Variants in DNAJB12 observed in about 807,000 individuals in gnomAD.
DNAJB12 encodes the protein DnaJ heat shock protein family (Hsp40) member B12.
DNAJB12 carries 14 observed loss-of-function variants against 40.6 expected under a neutral mutation model. That is an observed-to-expected ratio of 0.34 (90% CI 0.23 to 0.54). The LOEUF (loss-of-function observed/expected upper bound fraction) is 0.54, where lower values mean the gene tolerates loss of function less well. Among genes scored for constraint, DNAJB12 ranks in the 20% least tolerant of loss-of-function variants. The pLI, the probability that DNAJB12 is intolerant of heterozygous loss-of-function variation, is 0.92. For missense variants in DNAJB12, 444 were observed against 501.7 expected (o/e 0.89, Z 1.10); for synonymous variants, 181 against 199.5 (o/e 0.91, Z 0.78).
chr10:72,352,405 C>T (rs1712533372), intron 1 of DNAJB12, among the ~76,000 whole-genome samples: 1 of 152,310 alleles, frequency 6.6e-6, no homozygotes, highest in Non-Finnish European at 1.5e-5. Context: ...TTCCTCAAGT[C>T]TCACACCGTC....
rs768932947 is a variant in DNAJB12 at position 72,336,511 on chromosome 10, C to T, written c.1006+13G>A. The T allele has an allele frequency of 1.2e-5, 20 of 1,612,058 alleles. No homozygotes were observed. The highest frequency in any genetic ancestry group is 1.5e-5 in the Non-Finnish European group (18 of 1,179,096). The stretch of plus-strand genomic sequence containing the variant: ...CCTCCCAAATACAGCCCCCGCCTTC[C>T]CCCCACACTCACTCTGCTGCTTCTC... On this transcript the variant is annotated intron_variant, in intron 7 of 8. Coordinates refer to ENST00000444643, the MANE Select transcript of DNAJB12 (RefSeq NM_017626.7).
intron 1 of DNAJB12, among the ~76,000 whole-genome samples, chr10:72,347,951 T>C (rs1466331607): frequency 2.0e-5 from 3 of 148,482 alleles, no homozygotes; most frequent in East Asian, 4.1e-4. Flanking sequence ...CCACCAGGCA[T>C]GGTGGCTCAC....
At position 72,345,068 on chromosome 10, in the gene DNAJB12, C is replaced by A; in HGVS notation, c.193G>T (p.Asp65Tyr). 1 of 1,614,146 alleles carries A rather than the reference C, an allele frequency of 6.2e-7. No homozygotes were observed. The highest frequency in any genetic ancestry group is 8.5e-7 in the Non-Finnish European group (1 of 1,180,000). ...TTCCTGTGGGTGGCATGGGTTGTGT[C>A]TGTGGGTGGGGGTTGGTCACCGGCA... ...QTAGDQPPPT[D>Y]TTHATHRKAG... The change falls in exon 2 of 9, where the codon GAC becomes TAC. Residue 65 changes from aspartate (D) to tyrosine (Y), a missense_variant. Asp to Tyr is a radical substitution (Grantham distance 160). Transcript: ENST00000444643.
intron 1 of DNAJB12, among the ~76,000 whole-genome samples, chr10:72,350,571 C>A (rs1861911329): frequency 6.6e-6 from 1 of 152,110 alleles, no homozygotes; most frequent in Non-Finnish European, 1.5e-5. Flanking sequence ...AAAAACTCAG[C>A]CCAATGCCCA....
rs577631071 is a variant in DNAJB12, at chr10:72,341,432, C to G, written c.458-262G>C. On this transcript the variant is annotated intron_variant, in intron 3 of 8. Coordinates refer to ENST00000444643, the MANE Select transcript of DNAJB12 (RefSeq NM_017626.7). ...CAATGGTCAAGCTTTGTCAATGTGC[C>G]AGGCCTCCTAGGAGTGTGGCCTCAT... 1.4e-4 allele frequency among the ~76,000 whole-genome samples: 21 copies of G among 152,280 alleles called. No homozygotes were observed. The South Asian group carries it at 1.9e-3, about 14-fold the overall frequency.
chr10:72,344,268 T>A (rs114255468), intron 2 of DNAJB12, among the ~76,000 whole-genome samples: 1 of 152,352 alleles, frequency 6.6e-6, no homozygotes, highest in African/African-American at 2.4e-5. Flanking sequence ...CTCAGTGAAG[T>A]ACAGATCTCG....
chr10:72,344,975 C>T lies in DNAJB12; in HGVS notation c.286G>A (p.Ala96Thr), dbSNP rs1417074980. ...AGGESTKGYTAEQVAAVKRVK... is the reference protein window; with the variant it reads ...AGGESTKGYTTEQVAAVKRVK... ...CTTTTCACAGCTGCAACCTGTTCTGCAGTGTAGCCTTTGGTGCTCTCTCCT... is the reference window on the plus strand; with the variant it reads ...CTTTTCACAGCTGCAACCTGTTCTGTAGTGTAGCCTTTGGTGCTCTCTCCT... Residue 96 changes from alanine (A) to threonine (T), a missense_variant, in exon 2 of 9, where the codon GCA (alanine) becomes ACA (threonine). Ala to Thr is a moderately conservative substitution (Grantham distance 58, BLOSUM62 0). Coordinates refer to ENST00000444643, the MANE Select transcript of DNAJB12 (RefSeq NM_017626.7). 5.0e-6 allele frequency: 8 copies of T among 1,614,240 alleles called. No homozygotes were observed. The highest frequency in any genetic ancestry group is 3.3e-4 in the Middle Eastern group (2 of 6,062).
At position 72,341,151 on chromosome 10, in the gene DNAJB12, C is replaced by T. The variant is rs561511838; in HGVS notation, c.477G>A (p.Ala159=). Residue 159 remains alanine, a synonymous_variant, in exon 4 of 9, where the codon GCG becomes GCA. Coordinates refer to ENST00000444643, the MANE Select transcript of DNAJB12 (RefSeq NM_017626.7). ...TCCTCTTCTCCGGGTTGCTGAGTAC[C>T]GCATATGCTGTGCCAATGGCTGGAG... is the stretch of plus-strand genomic sequence containing the variant. ...EAFKAIGTAY[A]VLSNPEKRKQ... 6.1e-5 allele frequency: 99 copies of T among 1,610,356 alleles called. No individual in the cohort carries two copies. Among genetic ancestry groups the T allele is most frequent in the Admixed American group, 5.3e-4 (32 of 59,944 alleles).
At chr10:72,336,736 CA>C in intron 6 of DNAJB12, 40 bp from the exon 7 acceptor site, 1 of 1,593,082 alleles carries the variant, frequency 6.3e-7, no homozygotes, top group Non-Finnish European at 8.6e-7. Flanking sequence ...TGCGGGTCCC[CA>C]TGCCCAGGGC....
Position 72,336,075 on chromosome 10 carries a change from G to A in DNAJB12, c.1007-144C>T, listed in dbSNP as rs1305949196. 7 of 1,020,782 alleles carry A rather than the reference G, an allele frequency of 6.9e-6. No homozygotes were observed. The East Asian group carries it at 7.3e-5, about 11-fold the overall frequency. The allele number at this position is 1,020,782 out of a possible 1,614,324, so 63.2% of individuals were successfully genotyped here. On this transcript the variant is annotated intron_variant, in intron 7 of 8. Transcript: ENST00000444643. ...CTGGCCTCCCATTAGGAAGACCATG[G>A]AGGAGCAGAGACTACAGTCCTTATG...
At position 72,333,496 on chromosome 10, in the gene DNAJB12, T is replaced by C. The variant is rs1230132355; in HGVS notation, c.*1152A>G. 6.6e-6 allele frequency: 1 copy of C among 152,654 alleles called. No homozygotes were observed. The highest frequency in any genetic ancestry group is 2.4e-5 in the African/African-American group (1 of 41,444). The allele number at this position is 152,654 out of a possible 1,614,324, so 9.5% of individuals were successfully genotyped here. On this transcript the variant is annotated 3_prime_UTR_variant, in exon 9 of 9. Transcript: ENST00000444643. Reference sequence around the variant, plus strand: ...CAGAGGCAGCCACGGGCACTGCCTTTTCTTCAGGAGTCGAGGAGGCTGCCC... The same window carrying C: ...CAGAGGCAGCCACGGGCACTGCCTTCTCTTCAGGAGTCGAGGAGGCTGCCC...
intron 1 of DNAJB12, chr10:72,353,434 T>G (rs980642799): frequency 6.6e-6 from 1 of 152,290 alleles, no homozygotes; most frequent in Non-Finnish European, 1.5e-5. Flanking sequence ...GGGAGGAAAG[T>G]TCAGCAGTCC....
intron 1 of DNAJB12, among the ~76,000 whole-genome samples, chr10:72,348,858 T>C (rs1477790508): frequency 1.3e-5 from 2 of 152,192 alleles, no homozygotes; most frequent in Non-Finnish European, 2.9e-5. Context: ...CATTTAATTG[T>C]CACAGCAGCC....
chr10:72,335,226 G>A lies in DNAJB12; in HGVS notation c.*30+554C>T. ...GCCCCTGCCGCCACCAAGACTGCCAGCTCCCACCCACCTCGTGGCTGCCTG... is the reference window on the plus strand; with the variant it reads ...GCCCCTGCCGCCACCAAGACTGCCAACTCCCACCCACCTCGTGGCTGCCTG... On this transcript the variant is annotated intron_variant, in intron 8 of 8. Transcript: ENST00000444643. The surrounding 1 kb of genome is among the most constrained non-coding windows in gnomAD (Gnocchi z 4.4). 4 of 986,774 alleles carry A rather than the reference G, an allele frequency of 4.1e-6. No individual in the cohort carries two copies. The highest frequency in any genetic ancestry group is 4.8e-6 in the Non-Finnish European group (4 of 830,500). The allele number at this position is 986,774 out of a possible 1,614,324, so 61.1% of individuals were successfully genotyped here.
At chr10:72,334,704 A>ACTGCACCG (rs1398350324) in intron 8 of DNAJB12, 87 bp from the exon 9 acceptor site, 1 of 1,471,664 alleles carries the variant, frequency 6.8e-7, no homozygotes, top group Non-Finnish European at 8.9e-7. Flanking sequence ...CCCCCTTGCC[A>ACTGCACCG]CTGCACCGCT....
rs2131973419 is a variant in DNAJB12 at position 72,334,036 on chromosome 10, A to G, written c.*612T>C. ...AAACATCACCAGGGTACCTTCCCCA[A>G]ACAGGCCTCATTTTCTAAAACATGG... On this transcript the variant is annotated 3_prime_UTR_variant, in exon 9 of 9. Coordinates refer to ENST00000444643, the MANE Select transcript of DNAJB12 (RefSeq NM_017626.7). 6.5e-6 allele frequency: 1 copy of G among 154,166 alleles called. No individual in the cohort carries two copies. The highest frequency in any genetic ancestry group is 2.4e-5 in the African/African-American group (1 of 41,586). The allele number at this position is 154,166 out of a possible 1,614,324, so 9.5% of individuals were successfully genotyped here. A position where few individuals can be genotyped will look rare whatever the true frequency, so the allele number is the denominator to read the frequency against.
At chr10:72,338,163 C>A (rs377396183) in intron 6 of DNAJB12, 39 bp downstream of exon 6, 367 of 1,568,090 alleles carry the variant, frequency 2.3e-4, no homozygotes, top group Non-Finnish European at 3.2e-4. Context: ...ATTTAAAGCC[C>A]CTTGTCTGCC....
At chr10:72,343,601 G>A in intron 2 of DNAJB12, 90 bp from the exon 3 acceptor site, 4 of 1,448,470 alleles carry the variant, frequency 2.8e-6, no homozygotes, top group South Asian at 1.2e-5. Flanking sequence ...GCACAGCTCT[G>A]GGCAGGCTGC....
Position 72,343,055 on chromosome 10 carries a change from G to A in DNAJB12, c.457+311C>T, listed in dbSNP as rs151312498. Among the ~76,000 whole-genome samples, 24 of 152,356 alleles carry A rather than the reference G, an allele frequency of 1.6e-4. No individual in the cohort carries two copies. The East Asian group carries it at 4.6e-3, about 29-fold the overall frequency. ...TAAGACAGGGAAGCGCACACGGTGA[G>A]TCACTCAATCACTGAGAATCCTTGG... On this transcript the variant is annotated intron_variant, in intron 3 of 8. Coordinates refer to ENST00000444643, the MANE Select transcript of DNAJB12 (RefSeq NM_017626.7).
Sources: allele counts gnomAD v4.1 joint callset (sites outside exome capture counted in the v4.1 genomes callset), GRCh38; gene constraint gnomAD v4.1.1; non-coding constraint Gnocchi (gnomAD v3.1); transcripts MANE v1.5; gene names NCBI Gene and HGNC (gene_info 2026-07-23, HGNC 2026-07-21).